Variants in EYS observed in about 807,000 individuals in gnomAD.
EYS encodes the protein EGF-like photoreceptor maintenance factor, also known as protein eyes shut homolog.
In EYS, 250 loss-of-function variants were observed where a neutral mutation model predicts 282.1. The observed-to-expected ratio is 0.89, with a 90% CI of 0.80 to 0.98. The LOEUF is 0.98. Among genes scored for constraint, EYS ranks in the 50% least tolerant of loss-of-function variants. The pLI is 0.00. For synonymous variants in EYS, 1,355 were observed against 1,282.9 expected (o/e 1.06, Z -1.20); for missense variants, 4,016 against 3,709.0 (o/e 1.08, Z -2.15).
intron 5 of EYS, chr6:65,489,270 A>G (rs1390064371): frequency 6.6e-6 from 1 of 152,158 alleles, no homozygotes; most frequent in African/African-American, 2.4e-5. Flanking sequence ...AGAACTTACA[A>G]ATTTACAAGA....
Position 65,237,000 on chromosome 6 carries a change from A to C in EYS, c.2023+58863T>G, listed in dbSNP as rs73741278. Reference sequence around the variant, plus strand: ...GGGTATAAGGTCGTAGATGTGCTGAAGACCAATTTTGTTTATGCTCTTTTT... The same window carrying C: ...GGGTATAAGGTCGTAGATGTGCTGACGACCAATTTTGTTTATGCTCTTTTT... On this transcript the variant is annotated intron_variant, in intron 12 of 42. Transcript: ENST00000503581. Among the ~76,000 whole-genome samples the C allele has an allele frequency of 2.8e-3, 419 of 152,318 alleles. 7 individuals carry two copies. Among genetic ancestry groups the C allele is most frequent in the Middle Eastern group, 0.01 (3 of 294 alleles).
intron 26 of EYS, among the ~76,000 whole-genome samples, chr6:64,498,755 T>C (rs1033373485): frequency 2.0e-5 from 3 of 152,104 alleles, no homozygotes; most frequent in Non-Finnish European, 4.4e-5. Context: ...CTGAGGATGA[T>C]GGTTTCCAGC....
chr6:65,517,300 T>C (rs1474506838), intron 2 of EYS, among the ~76,000 whole-genome samples: 1 of 149,774 alleles, frequency 6.7e-6, no homozygotes, highest in Non-Finnish European at 1.5e-5. Context: ...TAATTGTCTG[T>C]AACAAAAGTA....
intron 1 of EYS, among the ~76,000 whole-genome samples, chr6:65,656,835 A>G (rs1255686902): frequency 6.6e-6 from 1 of 151,904 alleles, no homozygotes; most frequent in Non-Finnish European, 1.5e-5. Flanking sequence ...TAATATGAGA[A>G]GAATATCCAA....
intron 22 of EYS, among the ~76,000 whole-genome samples, chr6:64,647,627 C>T (rs547609033): frequency 6.6e-6 from 1 of 152,084 alleles, no homozygotes; most frequent in African/African-American, 2.4e-5. Context: ...TTTGTGCAAT[C>T]CTTTAAAAAT....
At chr6:63,748,436 G>A (rs895883878) in intron 41 of EYS, among the ~76,000 whole-genome samples, 1 of 152,118 alleles carries the variant, frequency 6.6e-6, no homozygotes, top group African/African-American at 2.4e-5. Flanking sequence ...AAGGATATTG[G>A]CTTAAAGTTT....
chr6:63,734,124 G>T (rs995185540), intron 41 of EYS, among the ~76,000 whole-genome samples: 2 of 152,062 alleles, frequency 1.3e-5, no homozygotes, highest in Non-Finnish European at 2.9e-5. Context: ...CTACAAAATC[G>T]GGACGAGGCA....
Position 65,577,360 on chromosome 6 carries a change from G to A in EYS, c.-333+62418C>T, listed in dbSNP as rs544883162. Among the ~76,000 whole-genome samples the A allele has an allele frequency of 5.9e-5, 9 of 151,936 alleles. No homozygotes were observed. In the East Asian group the frequency reaches 1.5e-3, roughly 26 times the overall value. On this transcript the variant is annotated intron_variant, in intron 2 of 42. Coordinates refer to ENST00000503581, the MANE Select transcript of EYS (RefSeq NM_001142800.2). ...ATGACAGTCTTTAAAAAATGGCACT[G>A]AGAAAACTGGATATCCCTATGCAAA...
chr6:64,382,884 G>A (rs1038416428), intron 29 of EYS, among the ~76,000 whole-genome samples: 1 of 152,000 alleles, frequency 6.6e-6, no homozygotes, highest in Non-Finnish European at 1.5e-5. Flanking sequence ...GTGGTGGGTG[G>A]GAAAAAGTGG....
intron 35 of EYS, among the ~76,000 whole-genome samples, chr6:63,947,055 T>G (rs1765420402): frequency 6.6e-6 from 1 of 152,142 alleles, no homozygotes; most frequent in Admixed American, 6.5e-5. Flanking sequence ...ATTAAAATCA[T>G]GAAATATTCA....
At chr6:65,617,545 TATTTTTTAA>T in intron 2 of EYS, among the ~76,000 whole-genome samples, 1 of 151,514 alleles carries the variant, frequency 6.6e-6, no homozygotes, top group African/African-American at 2.4e-5. Context: ...ATTTATAATA[TATTTTTTAA>T]ATTTATTATT....
chr6:63,776,609 C>T (rs1344275164), intron 40 of EYS, among the ~76,000 whole-genome samples: 2 of 152,130 alleles, frequency 1.3e-5, no homozygotes, highest in Non-Finnish European at 2.9e-5. Context: ...CGTTTAATAT[C>T]GGAACTCAAT....
At position 64,178,419 on chromosome 6, in the gene EYS, T is replaced by G. The variant is rs142930537; in HGVS notation, c.6424+52173A>C. On this transcript the variant is annotated intron_variant, in intron 31 of 42. Transcript: ENST00000503581. ...TGCTCTGACTCTGTAATTTTCTACA[T>G]GAGTGGAATTAGTTTGGGTTGCTTA... Among the ~76,000 whole-genome samples, 294 of 152,220 alleles carry G rather than the reference T, an allele frequency of 1.9e-3. 1 individual carries two copies. Among genetic ancestry groups the G allele is most frequent in the African/African-American group, 6.9e-3 (286 of 41,572 alleles).
intron 12 of EYS, among the ~76,000 whole-genome samples, chr6:65,138,087 C>A (rs948928910): frequency 6.6e-6 from 1 of 152,016 alleles, no homozygotes; most frequent in African/African-American, 2.4e-5. Context: ...TTTAAAATAT[C>A]ACCTGAGGCC....
chr6:63,908,491 C>A (rs971165153), intron 35 of EYS, among the ~76,000 whole-genome samples: 18 of 151,968 alleles, frequency 1.2e-4, no homozygotes, highest in African/African-American at 4.4e-4. Flanking sequence ...CGTTCTATTG[C>A]CTAGGCTGGA....
intron 33 of EYS, among the ~76,000 whole-genome samples, chr6:64,039,108 A>T (rs1256048773): frequency 6.6e-6 from 1 of 152,006 alleles, no homozygotes; most frequent in Non-Finnish European, 1.5e-5. Context: ...ATTCTACCTA[A>T]TTTTCAAATA....
intron 28 of EYS, among the ~76,000 whole-genome samples, chr6:64,433,095 T>G (rs1256986110): frequency 2.0e-5 from 3 of 152,020 alleles, no homozygotes; most frequent in Non-Finnish European, 1.5e-5. Context: ...TCAAAAATAA[T>G]GAGCCAGGTT....
chr6:64,974,850 A>G (rs1252804883), intron 14 of EYS, among the ~76,000 whole-genome samples: 2 of 151,882 alleles, frequency 1.3e-5, no homozygotes, highest in African/African-American at 2.4e-5. Flanking sequence ...TACAAGAGTA[A>G]TGACAGTTTT....
chr6:64,978,644 T>C (rs1191554500), intron 14 of EYS, among the ~76,000 whole-genome samples: 2 of 151,898 alleles, frequency 1.3e-5, no homozygotes, highest in Non-Finnish European at 2.9e-5. Context: ...GATAAATAAA[T>C]AAAAATCCTT....
Sources: allele counts gnomAD v4.1 joint callset (sites outside exome capture counted in the v4.1 genomes callset), GRCh38; gene constraint gnomAD v4.1.1; transcripts MANE v1.5; gene names NCBI Gene and HGNC (gene_info 2026-07-23, HGNC 2026-07-21).